The following SWAP70 variants were observed in gnomAD, a reference collection of about 807,000 sequenced individuals.
The protein encoded by SWAP70 is switch-associated protein 70.
Under a neutral mutation model 80.2 loss-of-function variants are expected in SWAP70, and 34 were observed. The observed-to-expected ratio is 0.42, with a 90% CI of 0.32 to 0.56. The LOEUF (loss-of-function observed/expected upper bound fraction) is 0.56, where lower values mean the gene tolerates loss of function less well. Ranked by LOEUF, SWAP70 falls within the 20% of genes least tolerant of loss-of-function variation. The pLI, the probability that SWAP70 is intolerant of heterozygous loss-of-function variation, is 0.09. For synonymous variants in SWAP70, 239 were observed against 238.5 expected, an observed-to-expected ratio of 1.00 and a Z score of -0.02; for missense variants, 578 against 690.7, an observed-to-expected ratio of 0.84 and a Z score of 1.83.
At position 9,752,920 on chromosome 11, in the gene SWAP70, A is replaced by G. The variant is rs1203826138; in HGVS notation, c.*2950A>G. 2.0e-5 allele frequency: 3 copies of G among 152,130 alleles called. No individual in the cohort carries two copies. Among genetic ancestry groups the G allele is most frequent in the African/African-American group, 7.2e-5 (3 of 41,416 alleles). The allele number at this position is 152,130 out of a possible 1,614,324, so 9.4% of individuals were successfully genotyped here. On this transcript the variant is annotated 3_prime_UTR_variant, in exon 12 of 12. Transcript: ENST00000318950. ...TTATATTTTTTTTTAAGTAAAATGGACCCAGTAAGAAAATTAAAAATACCA... is the reference window on the plus strand; with the variant it reads ...TTATATTTTTTTTTAAGTAAAATGGGCCCAGTAAGAAAATTAAAAATACCA...
chr11:9,680,826 TG>T (rs1467837414), intron 1 of SWAP70: 1 of 152,196 alleles, frequency 6.6e-6, no homozygotes, highest in Non-Finnish European at 1.5e-5. Context: ...ATGTGGTTTG[TG>T]GTATATTTCC....
intron 3 of SWAP70, among the ~76,000 whole-genome samples, chr11:9,717,848 A>AT (rs34064971): frequency 0.32 from 48,177 of 151,958 alleles, 7,898 homozygotes; most frequent in Non-Finnish European, 0.34. Flanking sequence ...AGAATTAGAA[A>AT]TTAGTGAGTG....
intron 1 of SWAP70, among the ~76,000 whole-genome samples, chr11:9,692,650 A>T (rs187290657): frequency 6.6e-6 from 1 of 152,258 alleles, no homozygotes; most frequent in African/African-American, 2.4e-5. Flanking sequence ...GCATTTCTTT[A>T]ATACTTGTAT....
chr11:9,703,029 T>C (rs1445955756), intron 2 of SWAP70, among the ~76,000 whole-genome samples: 1 of 152,212 alleles, frequency 6.6e-6, no homozygotes, highest in Non-Finnish European at 1.5e-5. Context: ...CAATTGATTT[T>C]AGAATATTTT....
At chr11:9,680,942 G>A (rs550043053) in intron 1 of SWAP70, 1 of 153,922 alleles carries the variant, frequency 6.5e-6, no homozygotes, top group Admixed American at 6.5e-5. Flanking sequence ...GGGTGATCTG[G>A]CTGTGATATC....
intron 9 of SWAP70, among the ~76,000 whole-genome samples, chr11:9,744,778 C>A (rs1851490392): frequency 6.6e-6 from 1 of 151,920 alleles, no homozygotes; most frequent in African/African-American, 2.4e-5. Context: ...CGTGGTGGTG[C>A]ATGCCTATAA....
chr11:9,664,247 A>C lies in SWAP70; in HGVS notation c.68A>C (p.His23Pro). ...WHAFTALDQD[H>P]SGKVSKSQLK... ...GCCTTCACCGCACTCGACCAGGACC[A>C]CAGCGGCAAGGTCTCCAAGTCCCAG... is the stretch of plus-strand genomic sequence containing the variant. Residue 23 changes from histidine to proline, a missense_variant, in exon 1 of 12, where the codon CAC becomes CCC. Coordinates refer to ENST00000318950, the MANE Select transcript of SWAP70 (RefSeq NM_015055.4). The C allele has an allele frequency of 6.3e-7, 1 of 1,591,970 alleles. No homozygotes were observed. The highest frequency in any genetic ancestry group is 8.5e-7 in the Non-Finnish European group (1 of 1,169,918).
In SWAP70 at chr11:9,728,019, G is replaced by T. The variant is rs1459170222; in HGVS notation, c.643-34G>T. 3.9e-6 allele frequency: 6 copies of T among 1,553,278 alleles called. No individual in the cohort carries two copies. In the African/African-American group the frequency reaches 5.6e-5, roughly 15 times the overall value. On this transcript the variant is annotated intron_variant, in intron 4 of 11. Coordinates refer to ENST00000318950, the MANE Select transcript of SWAP70 (RefSeq NM_015055.4). The stretch of plus-strand genomic sequence containing the variant: ...AGATGTCAGCTCTTACAAATAAAAA[G>T]ACAATAATTTATATCACATTTAATC...
rs1164751003 is a variant in SWAP70, at chr11:9,675,027, G to A, written c.99+10749G>A. Among the ~76,000 whole-genome samples, 5 of 152,066 alleles carry A rather than the reference G, an allele frequency of 3.3e-5. No homozygotes were observed. The East Asian group carries it at 9.7e-4, about 29-fold the overall frequency. On this transcript the variant is annotated intron_variant, in intron 1 of 11. Coordinates refer to ENST00000318950, the MANE Select transcript of SWAP70 (RefSeq NM_015055.4). Reference sequence around the variant, plus strand: ...AGAAGCCACTCCTAGGCCAGGTGCAGTGGCTCATGCCTGTAATACTAGCAC... The same window carrying A: ...AGAAGCCACTCCTAGGCCAGGTGCAATGGCTCATGCCTGTAATACTAGCAC...
chr11:9,726,640 C>A (rs1344611857), intron 4 of SWAP70, among the ~76,000 whole-genome samples: 1 of 152,214 alleles, frequency 6.6e-6, no homozygotes, highest in Non-Finnish European at 1.5e-5. Context: ...CTGAAACTTA[C>A]AATCAATATC....
chr11:9,723,935 C>T (rs1374084731), intron 3 of SWAP70, among the ~76,000 whole-genome samples: 1 of 152,104 alleles, frequency 6.6e-6, no homozygotes, highest in Non-Finnish European at 1.5e-5. Flanking sequence ...ACATGCCTGG[C>T]TAACTTTTTT....
chr11:9,676,869 G>T (rs1282313822), intron 1 of SWAP70, among the ~76,000 whole-genome samples: 1 of 151,934 alleles, frequency 6.6e-6, no homozygotes, highest in African/African-American at 2.4e-5. Flanking sequence ...TAGGCAGGAT[G>T]GTCTTGGTCT....
chr11:9,703,774 A>G (rs895255782), intron 2 of SWAP70, among the ~76,000 whole-genome samples: 15 of 152,148 alleles, frequency 9.9e-5, no homozygotes, highest in Non-Finnish European at 1.5e-4. Context: ...GAATGAATGA[A>G]TGCGCAAATT....
At chr11:9,735,548 G>A (rs1472818419) in intron 7 of SWAP70, among the ~76,000 whole-genome samples, 1 of 152,194 alleles carries the variant, frequency 6.6e-6, no homozygotes, top group Non-Finnish European at 1.5e-5. Flanking sequence ...GGAATGCTGG[G>A]TCAAAGTGTG....
intron 2 of SWAP70, among the ~76,000 whole-genome samples, chr11:9,709,746 C>T (rs989419268): frequency 3.9e-5 from 6 of 152,078 alleles, no homozygotes; most frequent in Admixed American, 6.6e-5. Context: ...GCCTTGGCCT[C>T]CTAAAGTGCT....
intron 11 of SWAP70, among the ~76,000 whole-genome samples, 181 bp from the exon 12 acceptor site, chr11:9,749,683 T>A (rs533170127): frequency 6.6e-6 from 1 of 152,334 alleles, no homozygotes; most frequent in African/African-American, 2.4e-5. Context: ...CCCTAATAGG[T>A]AAGAGGGCCC....
At position 9,728,212 on chromosome 11, in the gene SWAP70, T is replaced by C. The variant is rs756399434; in HGVS notation, c.789+13T>C. On this transcript the variant is annotated intron_variant, in intron 5 of 11. Transcript: ENST00000318950. Reference sequence around the variant, plus strand: ...TTGCTGTGTAGAGGTGAGTCTACTCTTACTTCTTTGCATGATTACCCCGTG... The same window carrying C: ...TTGCTGTGTAGAGGTGAGTCTACTCCTACTTCTTTGCATGATTACCCCGTG... The C allele has an allele frequency of 1.0e-5, 16 of 1,582,108 alleles. No homozygotes were observed. The highest frequency in any genetic ancestry group is 1.4e-5 in the Non-Finnish European group (16 of 1,168,456).
At chr11:9,694,106 G>T (rs753509623) in intron 1 of SWAP70, 40 bp from the exon 2 acceptor site, 1 of 1,556,978 alleles carries the variant, frequency 6.4e-7, no homozygotes, top group Admixed American at 1.9e-5. Context: ...TCATGTGCTG[G>T]TTAGTGGGAG....
At chr11:9,681,779 G>C (rs570254363) in intron 1 of SWAP70, among the ~76,000 whole-genome samples, 12 of 152,340 alleles carry the variant, frequency 7.9e-5, no homozygotes, top group African/African-American at 2.9e-4. Flanking sequence ...GTGAGGACAT[G>C]AGGAGTTAGC....
Sources: gnomAD v4.1 joint callset for allele counts (sites outside exome capture counted in the v4.1 genomes callset) on GRCh38, gnomAD v4.1.1 for gene constraint, MANE v1.5 for transcripts, NCBI Gene and HGNC (gene_info 2026-07-23, HGNC 2026-07-21) for gene names.